The following CREB5 variants were observed in gnomAD, a reference collection of about 807,000 sequenced individuals.
CREB5 encodes cAMP responsive element binding protein 5, also known as cyclic AMP-responsive element-binding protein 5.
In CREB5, 19 loss-of-function variants were observed where a neutral mutation model predicts 57.1. The ratio of observed to expected loss-of-function variants is 0.33; its 90% CI spans 0.23 to 0.49. The LOEUF (loss-of-function observed/expected upper bound fraction) is 0.49. CREB5 is among the 20% of genes least tolerant of loss of function. CREB5 has a pLI of 0.99. For synonymous variants in CREB5, 238 were observed against 238.3 expected, an observed-to-expected ratio of 1.00 and a Z score of 0.01; for missense variants, 579 against 671.6, an observed-to-expected ratio of 0.86 and a Z score of 1.52.
intron 1 of CREB5, among the ~76,000 whole-genome samples, chr7:28,400,447 G>A (rs765739730): frequency 5.9e-5 from 9 of 152,150 alleles, no homozygotes; most frequent in Non-Finnish European, 1.2e-4. Context: ...AATAGCCACA[G>A]CAGTCCTGAA....
chr7:28,600,375 A>G (rs1796869731), intron 5 of CREB5, among the ~76,000 whole-genome samples: 1 of 8,226 alleles, frequency 1.2e-4, no homozygotes, highest in South Asian at 2.6e-3. Context: ...GACCAGCCTC[A>G]CGAAGCTCAG....
intron 1 of CREB5, among the ~76,000 whole-genome samples, chr7:28,350,350 A>G (rs1221224080): frequency 6.6e-6 from 1 of 152,134 alleles, no homozygotes; most frequent in Non-Finnish European, 1.5e-5. Context: ...TGCTCAGCAC[A>G]CATTGCTTCT....
intron 5 of CREB5, among the ~76,000 whole-genome samples, chr7:28,717,033 A>G (rs530712022): frequency 5.6e-4 from 85 of 151,438 alleles, no homozygotes; most frequent in African/African-American, 2.0e-3. Context: ...TACTAATACA[A>G]CTGAGTGTAA....
At chr7:28,335,122 A>G (rs768115228) in intron 1 of CREB5, among the ~76,000 whole-genome samples, 13 of 152,200 alleles carry the variant, frequency 8.5e-5, no homozygotes, top group Non-Finnish European at 1.6e-4. Context: ...ATTTGAAGTC[A>G]GGTAATGTGA....
intron 7 of CREB5, among the ~76,000 whole-genome samples, chr7:28,784,756 C>T (rs545961759): frequency 2.6e-5 from 4 of 152,216 alleles, no homozygotes; most frequent in South Asian, 2.1e-4. Flanking sequence ...ATGAGCGAAA[C>T]GAAGGGTTAT....
intron 5 of CREB5, among the ~76,000 whole-genome samples, chr7:28,712,643 T>C (rs1047832620): frequency 6.8e-6 from 1 of 146,116 alleles, no homozygotes; most frequent in African/African-American, 2.5e-5. Context: ...AAGCGACTCC[T>C]GTGCCTCAGC....
At chr7:28,529,877 C>G (rs886083742) in intron 4 of CREB5, among the ~76,000 whole-genome samples, 1 of 152,198 alleles carries the variant, frequency 6.6e-6, no homozygotes, top group Non-Finnish European at 1.5e-5. Flanking sequence ...GTTTCTTCTA[C>G]GGTGAGGCTA....
At chr7:28,442,783 T>C (rs1268034718) in intron 1 of CREB5, among the ~76,000 whole-genome samples, 2 of 152,236 alleles carry the variant, frequency 1.3e-5, no homozygotes, top group Non-Finnish European at 2.9e-5. Flanking sequence ...TATCAGAGTT[T>C]ATCTTGAGTC....
At chr7:28,400,233 C>T (rs1787429407) in intron 1 of CREB5, among the ~76,000 whole-genome samples, 1 of 152,166 alleles carries the variant, frequency 6.6e-6, no homozygotes, top group Admixed American at 6.5e-5. Context: ...ACTCAACTTC[C>T]TTACTTATTA....
At chr7:28,599,754 GTTTTT>G (rs150609222) in intron 5 of CREB5, among the ~76,000 whole-genome samples, 30 of 148,910 alleles carry the variant, frequency 2.0e-4, no homozygotes, top group African/African-American at 7.2e-4. Flanking sequence ...GTTTTGTTTT[GTTTTT>G]TTATTGTATT....
intron 4 of CREB5, among the ~76,000 whole-genome samples, chr7:28,565,706 A>C (rs1249534857): frequency 2.0e-5 from 3 of 152,184 alleles, no homozygotes; most frequent in African/African-American, 7.2e-5. Context: ...GTGGATCAAA[A>C]GGTCAGGAGT....
intron 5 of CREB5, chr7:28,615,261 G>A (rs1797552415): frequency 6.6e-6 from 1 of 152,380 alleles, no homozygotes; most frequent in South Asian, 2.1e-4. Flanking sequence ...ATCAGAGGTG[G>A]CTGTGGTGAA....
chr7:28,579,039 A>G (rs1024578324), intron 5 of CREB5, among the ~76,000 whole-genome samples: 1 of 152,202 alleles, frequency 6.6e-6, no homozygotes, highest in Non-Finnish European at 1.5e-5. Flanking sequence ...TAGGGATAGA[A>G]AGCCAAGGCT....
Position 28,494,964 on chromosome 7 carries a change from A to C in CREB5, c.134A>C (p.Lys45Thr), listed in dbSNP as rs1388855689. The C allele has an allele frequency of 2.5e-6, 4 of 1,609,152 alleles. No individual in the cohort carries two copies. The South Asian group carries it at 4.5e-5, about 18-fold the overall frequency. Reference sequence around the variant, plus strand: ...AGGCACAAACATGAAATGACTTTGAAGTTTCCTTCAATAAAAACAGACAAT... The same window carrying C: ...AGGCACAAACATGAAATGACTTTGACGTTTCCTTCAATAAAAACAGACAAT... ...IHRHKHEMTL[K>T]FPSIKTDNML... Residue 45 changes from lysine (K) to threonine (T), a missense_variant, in exon 3 of 11, where the codon AAG (lysine) becomes ACG (threonine). By Grantham distance (78) the Lys-to-Thr change is moderately conservative. This residue lies in a region of CREB5 where 459 missense variants were observed against 515.7 expected (regional missense o/e 0.89). Transcript: ENST00000357727.
intron 1 of CREB5, among the ~76,000 whole-genome samples, chr7:28,476,588 G>A (rs527607227): frequency 8.7e-4 from 132 of 152,266 alleles, no homozygotes; most frequent in African/African-American, 3.2e-3. Context: ...AATGAGCAAA[G>A]GAGATTTAAT....
At chr7:28,455,745 C>G (rs1790067779) in intron 1 of CREB5, among the ~76,000 whole-genome samples, 1 of 152,074 alleles carries the variant, frequency 6.6e-6, no homozygotes, top group African/African-American at 2.4e-5. Context: ...AGGAAGATCC[C>G]CCAGGGGACA....
In CREB5 at chr7:28,560,953, T is replaced by TGCGTGCGCGTGC. The variant is rs1382287502; in HGVS notation, c.292-9411_292-9410insCGTGCGCGTGCG. On this transcript the variant is annotated intron_variant, in intron 4 of 10. Coordinates refer to ENST00000357727, the MANE Select transcript of CREB5 (RefSeq NM_182898.4). ...GCGTGTGTGCGTGCGTGTGTGTGCG[T>TGCGTGCGCGTGC]GTGTGTGCGTGTGTGTGTGCGTGTG... Among the ~76,000 whole-genome samples, 40 of 47,178 alleles carry TGCGTGCGCGTGC rather than the reference T, an allele frequency of 8.5e-4. 3 individuals carry two copies. Among genetic ancestry groups the TGCGTGCGCGTGC allele is most frequent in the Admixed American group, 2.1e-3 (9 of 4,288 alleles). The allele number at this position is 47,178 out of a possible 152,430, so 31.0% of individuals were successfully genotyped here.
chr7:28,667,778 G>A (rs535527858), intron 5 of CREB5, among the ~76,000 whole-genome samples: 15 of 152,090 alleles, frequency 9.9e-5, no homozygotes, highest in Non-Finnish European at 1.5e-4. Flanking sequence ...CCGAGGAAAC[G>A]AAAACAAATA....
At chr7:28,403,064 C>T (rs972650324) in intron 1 of CREB5, among the ~76,000 whole-genome samples, 1 of 152,146 alleles carries the variant, frequency 6.6e-6, no homozygotes, top group African/African-American at 2.4e-5. Flanking sequence ...AATTATACAA[C>T]CACTGGTGTA....
Sources: allele counts gnomAD v4.1 joint callset (sites outside exome capture counted in the v4.1 genomes callset), GRCh38; gene constraint gnomAD v4.1.1; regional missense constraint gnomAD v4.1.1; transcripts MANE v1.5; gene names NCBI Gene and HGNC (gene_info 2026-07-23, HGNC 2026-07-21).